The following PPOX variants were observed in gnomAD, a reference collection of about 807,000 sequenced individuals.
PPOX encodes the protein variegate porphyria.
A neutral mutation model predicts 54.1 loss-of-function variants in PPOX; 23 were observed. The observed-to-expected ratio is 0.43, with a 90% CI of 0.31 to 0.60. The LOEUF (loss-of-function observed/expected upper bound fraction) is 0.60, where lower values mean the gene tolerates loss of function less well. Ranked by LOEUF, PPOX falls within the 20% of genes least tolerant of loss-of-function variation. PPOX has a pLI of 0.13. For synonymous variants in PPOX, 224 were observed against 236.1 expected (o/e 0.95, Z 0.47); for missense variants, 512 against 601.1 (o/e 0.85, Z 1.55).
At chr1:161,173,182 C>G (rs1436907041), downstream of PPOX, among the ~76,000 whole-genome samples, 1 of 152,180 alleles carries the variant, frequency 6.6e-6, no homozygotes, top group Admixed American at 6.5e-5. Flanking sequence ...CAGAATGTTT[C>G]ACATGCTAAA....
At chr1:161,167,023 T>A in intron 2 of PPOX, 77 bp from the exon 3 acceptor site, 1 of 1,612,586 alleles carries the variant, frequency 6.2e-7, no homozygotes, top group Non-Finnish European at 8.5e-7. Flanking sequence ...CCTCTGAATA[T>A]GCCTCTTCCC....
At chr1:161,172,805 A>G (rs74124650), downstream of PPOX, among the ~76,000 whole-genome samples, 498 of 151,864 alleles carry the variant, frequency 3.3e-3, 3 homozygotes, top group African/African-American at 0.012. Context: ...AGGCAGAAGG[A>G]TCACTTGAGG....
intron 6 of PPOX, among the ~76,000 whole-genome samples, 156 bp downstream of exon 6, chr1:161,168,732 G>A (rs559831191): frequency 5.7e-4 from 86 of 152,166 alleles, no homozygotes; most frequent in African/African-American, 2.0e-3. Context: ...ATCTCAGATC[G>A]GCTCGCTGCA....
At chr1:161,169,611 T>C in intron 7 of PPOX, 49 bp from the exon 8 acceptor site, 2 of 1,581,048 alleles carry the variant, frequency 1.3e-6, no homozygotes, top group Non-Finnish European at 8.7e-7. Flanking sequence ...CTCTTTTCAC[T>C]CATCAAATTC....
chr1:161,176,431 C>A (rs1663546803), intron 4 of PPOX: 2 of 390,286 alleles, frequency 5.1e-6, no homozygotes, highest in Admixed American at 8.4e-5. Flanking sequence ...GAGATAGACT[C>A]ACCTAGGTTC....
downstream of PPOX, chr1:161,173,994 GC>G (rs1356075153): frequency 6.2e-7 from 1 of 1,614,102 alleles, no homozygotes. Flanking sequence ...ATCACGCAGG[GC>G]CTCTCGCACC....
chr1:161,167,966 TC>T, intron 4 of PPOX, 28 bp from the exon 5 acceptor site: 2 of 1,613,794 alleles, frequency 1.2e-6, no homozygotes, highest in Admixed American at 1.7e-5. Context: ...GTCAGGAGCT[TC>T]CCCCTCACTA....
downstream of PPOX, chr1:161,177,165 C>A: frequency 1.6e-6 from 2 of 1,289,334 alleles, no homozygotes; most frequent in Non-Finnish European, 2.1e-6. Context: ...GCTGGAAGGG[C>A]TCACCTAGAG....
At chr1:161,174,000 C>T (rs756962425), downstream of PPOX, 39 of 1,613,994 alleles carry the variant, frequency 2.4e-5, no homozygotes, top group East Asian at 2.7e-4. Context: ...CAGGGCCTCT[C>T]GCACCCCAAC....
At chr1:161,175,067 G>A (rs760364861), downstream of PPOX, 9 of 1,613,978 alleles carry the variant, frequency 5.6e-6, no homozygotes, top group South Asian at 1.1e-5. Flanking sequence ...AGCAGCAGGC[G>A]CAGGTGGTGC....
At chr1:161,166,286 A>G, upstream of PPOX, 1 of 1,012,048 alleles carries the variant, frequency 9.9e-7, no homozygotes, top group South Asian at 3.8e-5. Flanking sequence ...TAACACGGTT[A>G]ACCTCCAGCT....
At chr1:161,166,060 A>G (rs1322355598), upstream of PPOX, 1 of 978,844 alleles carries the variant, frequency 1.0e-6, no homozygotes, top group African/African-American at 1.8e-5. Context: ...AACATCAAGG[A>G]GCTGTTTATG....
At chr1:161,169,559 C>A in intron 7 of PPOX, 101 bp from the exon 8 acceptor site, 1 of 1,242,152 alleles carries the variant, frequency 8.1e-7, no homozygotes, top group South Asian at 1.2e-5. Flanking sequence ...GTCTCCCCGG[C>A]CACATGGGTG....
intron 8 of PPOX, 26 bp downstream of exon 8, chr1:161,169,746 C>A: frequency 6.2e-7 from 1 of 1,613,858 alleles, no homozygotes; most frequent in Non-Finnish European, 8.5e-7. Context: ...CCTTCCCCTT[C>A]CCCAACCCCT....
downstream of PPOX, chr1:161,171,573 A>C: frequency 1.6e-6 from 1 of 614,122 alleles, no homozygotes; most frequent in Non-Finnish European, 2.8e-6. Context: ...AGGAATCGTC[A>C]CATAAAATCA....
Position 161,166,829 on chromosome 1 carries a change from C to G in PPOX, c.-8-11C>G. 2 of 1,612,584 alleles carry G rather than the reference C, an allele frequency of 1.2e-6. No homozygotes were observed. Among genetic ancestry groups the G allele is most frequent in the Non-Finnish European group, 1.7e-6 (2 of 1,179,994 alleles). Reference sequence around the variant, plus strand: ...CCGGTCTGCCTGTCCATATCGCCCCCTTTCCCCCAGGTTTCCGCATGGGCC... The same window carrying G: ...CCGGTCTGCCTGTCCATATCGCCCCGTTTCCCCCAGGTTTCCGCATGGGCC... On this transcript the variant is annotated splice_polypyrimidine_tract_variant and intron_variant, in intron 1 of 12. Transcript: ENST00000367999.
At chr1:161,172,920 A>C (rs530452156), downstream of PPOX, among the ~76,000 whole-genome samples, 4 of 152,204 alleles carry the variant, frequency 2.6e-5, no homozygotes, top group East Asian at 7.7e-4. Context: ...GAACCAGGTA[A>C]TCAGGACCTT....
In PPOX at chr1:161,168,543, C is replaced by T. The variant is rs768306133; in HGVS notation, c.583C>T (p.Arg195Cys). ...PSLFQAEQTH[R>C]SILLGLLLGA... ...TCTCTTCCAAGCTGAGCAAACCCATCGTTCCATATTACTGGGCCTGCTGCT... is the reference window on the plus strand; with the variant it reads ...TCTCTTCCAAGCTGAGCAAACCCATTGTTCCATATTACTGGGCCTGCTGCT... Residue 195 changes from arginine to cysteine, a missense_variant, in exon 6 of 13, where the codon CGT (arginine) becomes TGT (cysteine). Transcript: ENST00000367999. 1.6e-5 allele frequency: 26 copies of T among 1,614,084 alleles called. No homozygotes were observed. The highest frequency in any genetic ancestry group is 1.7e-4 in the Middle Eastern group (1 of 6,044).
downstream of PPOX, chr1:161,177,067 C>T: frequency 6.5e-7 from 1 of 1,535,530 alleles, no homozygotes; most frequent in Non-Finnish European, 8.7e-7. Flanking sequence ...CCTTTTCTAC[C>T]TTTCCCCTCT....
Sources: gnomAD v4.1 joint callset for allele counts (sites outside exome capture counted in the v4.1 genomes callset) on GRCh38, gnomAD v4.1.1 for gene constraint, MANE v1.5 for transcripts, NCBI Gene and HGNC (gene_info 2026-07-23, HGNC 2026-07-21) for gene names.